SMUG1: variants seen among roughly 807,000 people sequenced by gnomAD.
The protein encoded by SMUG1 is single-strand-selective monofunctional uracil-DNA glycosylase 1.
A neutral mutation model predicts 23.9 loss-of-function variants in SMUG1; 13 were observed. The observed-to-expected ratio is 0.54, with a 90% confidence interval of 0.35 to 0.86. The LOEUF (loss-of-function observed/expected upper bound fraction) is 0.86, where lower values mean the gene tolerates loss of function less well. Ranked by LOEUF, SMUG1 falls within the 40% of genes least tolerant of loss-of-function variation. SMUG1 has a pLI of 0.01. For synonymous variants in SMUG1, 133 were observed against 139.8 expected (o/e 0.95, Z 0.34); for missense variants, 313 against 339.5 (o/e 0.92, Z 0.61).
rs577892774 is a variant in SMUG1, at chr12:54,168,981, T to A, written c.*52+3044A>T. On this transcript the variant is annotated intron_variant and NMD_transcript_variant, in intron 3 of 4. Transcript: ENST00000509864. ...GCCATTTCAGAAGCATACTCAACCA[T>A]GCTCAGCTCACTGACTTCCTCTAGG... Among the ~76,000 whole-genome samples, 3 of 152,286 alleles carry A rather than the reference T, an allele frequency of 2.0e-5. No individual in the cohort carries two copies. The South Asian group carries it at 6.2e-4, about 32-fold the overall frequency.
chr12:54,188,320 A>G (rs1479952230), intron 1 of SMUG1, among the ~76,000 whole-genome samples: 2 of 71,354 alleles, frequency 2.8e-5, no homozygotes, highest in Non-Finnish European at 6.7e-5. Flanking sequence ...TAATAATAAT[A>G]ATAATAATAA....
At chr12:54,185,301 C>G (rs3136382) in intron 2 of SMUG1, among the ~76,000 whole-genome samples, 87,029 of 148,074 alleles carry the variant, frequency 0.59, 25,709 homozygotes, top group Middle Eastern at 0.61. Context: ...GTGAAACTCT[C>G]TCTCAAAAAA....
At chr12:54,171,241 C>T (rs183465705) in intron 3 of SMUG1, among the ~76,000 whole-genome samples, 57 of 151,322 alleles carry the variant, frequency 3.8e-4, no homozygotes, top group Middle Eastern at 3.4e-3. Context: ...CTCAGGTGAT[C>T]GGCCCACCTC....
chr12:54,177,667 A>G (rs1592359446), downstream of SMUG1, among the ~76,000 whole-genome samples: 1 of 152,114 alleles, frequency 6.6e-6, no homozygotes, highest in East Asian at 1.9e-4. Flanking sequence ...AAAAAAAAAA[A>G]ACAATGACTT....
In SMUG1 at chr12:54,181,049, G is replaced by A. The variant is rs1461582368; in HGVS notation, c.*1047C>T. 1 of 152,780 alleles carries A rather than the reference G, an allele frequency of 6.5e-6. No homozygotes were observed. Among genetic ancestry groups the A allele is most frequent in the Non-Finnish European group, 1.5e-5 (1 of 68,846 alleles). 9.5% of individuals were successfully genotyped at this position (152,780 alleles called of 1,614,324 possible). On this transcript the variant is annotated 3_prime_UTR_variant, in exon 4 of 4. Coordinates refer to ENST00000682136, the MANE Select transcript of SMUG1 (RefSeq NM_001243787.2). ...CCCCCAGCTGCCCAAGAGAACCCCT[G>A]GCCAACAATGAAGAGGGAAGAGGGG...
chr12:54,175,036 A>G (rs1382673313), intron 2 of SMUG1: 1 of 152,236 alleles, frequency 6.6e-6, no homozygotes, highest in East Asian at 1.9e-4. Context: ...CCTGATGGTC[A>G]CAGCTGGGAA....
chr12:54,180,064 T>A (rs896592120), downstream of SMUG1, among the ~76,000 whole-genome samples: 1 of 152,248 alleles, frequency 6.6e-6, no homozygotes, highest in Non-Finnish European at 1.5e-5. Flanking sequence ...CATCGGCATG[T>A]GGCTGAACTC....
rs1266679082 is a variant in SMUG1, at chr12:54,185,490, AAAT to A, written c.-19-1534_-19-1532del. Among the ~76,000 whole-genome samples, 231 of 28,420 alleles carry A rather than the reference AAAT, an allele frequency of 8.1e-3. 32 individuals are homozygous for A. The highest frequency in any genetic ancestry group is 0.014 in the Non-Finnish European group (193 of 13,444). The allele number at this position is 28,420 out of a possible 152,430, so 18.6% of individuals were successfully genotyped here. ...CTCAAAAAAAAATAAAATAAAAAAT[AAAT>A]AAATAAATAAATAAATAAATAAATA... On this transcript the variant is annotated intron_variant, in intron 2 of 3. Transcript: ENST00000682136.
chr12:54,179,212 TTGTG>T (rs2136559522), downstream of SMUG1, among the ~76,000 whole-genome samples: 1 of 152,332 alleles, frequency 6.6e-6, no homozygotes, highest in Non-Finnish European at 1.5e-5. Flanking sequence ...AGACAGCCTA[TTGTG>T]GGACTTCGCC....
intron 2 of SMUG1, among the ~76,000 whole-genome samples, chr12:54,185,806 G>C (rs1592410493): frequency 6.6e-6 from 1 of 152,040 alleles, no homozygotes; most frequent in Admixed American, 6.6e-5. Flanking sequence ...TACAGAGGGA[G>C]ACTGTCTCAA....
At chr12:54,165,383 C>T (rs1940421475) in exon 4 of SMUG1, 1 of 152,216 alleles carries the variant, frequency 6.6e-6, no homozygotes, top group Admixed American at 6.5e-5. Flanking sequence ...CCGTATAAGA[C>T]ACAGATCGCC....
chr12:54,160,134 C>T (rs1034949113), downstream of SMUG1, among the ~76,000 whole-genome samples: 1 of 152,212 alleles, frequency 6.6e-6, no homozygotes, highest in Non-Finnish European at 1.5e-5. Context: ...GGGACCCCCC[C>T]ACCCCAACAG....
At chr12:54,172,141 C>G in intron 2 of SMUG1, 1 of 447,734 alleles carries the variant, frequency 2.2e-6, no homozygotes, top group Non-Finnish European at 4.6e-6. Context: ...CATGTCACTC[C>G]CTTGCTTGAA....
chr12:54,183,588 C>T (rs764417552), intron 3 of SMUG1, 68 bp downstream of exon 3: 1 of 1,537,936 alleles, frequency 6.5e-7, no homozygotes, highest in Non-Finnish European at 9.0e-7. Flanking sequence ...TCCTTCTCCA[C>T]AGCACACCCA....
chr12:54,165,775 C>G (rs1250631690), intron 3 of SMUG1, among the ~76,000 whole-genome samples: 1 of 152,130 alleles, frequency 6.6e-6, no homozygotes, highest in African/African-American at 2.4e-5. Context: ...TTAAAATGTC[C>G]TGGGAAAAGA....
At chr12:54,177,923 G>A (rs1287375319), downstream of SMUG1, among the ~76,000 whole-genome samples, 1 of 152,138 alleles carries the variant, frequency 6.6e-6, no homozygotes, top group Non-Finnish European at 1.5e-5. Flanking sequence ...CCCCCCTGCC[G>A]ATTTGTATGT....
chr12:54,177,969 T>C (rs1401526581), downstream of SMUG1, among the ~76,000 whole-genome samples: 1 of 152,138 alleles, frequency 6.6e-6, no homozygotes, highest in Non-Finnish European at 1.5e-5. Context: ...ATATAGGGCA[T>C]TTAAAGAGGC....
chr12:54,158,922 A>G (rs931304170), intron 4 of SMUG1, among the ~76,000 whole-genome samples: 4 of 152,154 alleles, frequency 2.6e-5, no homozygotes. Context: ...TTGCCTTGAT[A>G]TTTAACCTGA....
chr12:54,167,828 A>G (rs1940520005), intron 3 of SMUG1, among the ~76,000 whole-genome samples: 2 of 152,250 alleles, frequency 1.3e-5, no homozygotes, highest in South Asian at 4.1e-4. Context: ...ATGCTTATCA[A>G]AGCTCTCTCC....
Sources: allele counts gnomAD v4.1 joint callset (sites outside exome capture counted in the v4.1 genomes callset), GRCh38; gene constraint gnomAD v4.1.1; transcripts MANE v1.5; gene names NCBI Gene and HGNC (gene_info 2026-07-23, HGNC 2026-07-21).